Variants in HACE1 observed in about 807,000 individuals in gnomAD.
The protein encoded by HACE1 is E3 ubiquitin-protein ligase HACE1.
Under a neutral mutation model 118.4 loss-of-function variants are expected in HACE1, and 73 were observed. The observed-to-expected ratio is 0.62, with a 90% CI of 0.51 to 0.75. HACE1 has a LOEUF of 0.75. Ranked by LOEUF, HACE1 falls within the 30% of genes least tolerant of loss-of-function variation. HACE1 has a pLI of 0.00. For synonymous variants in HACE1, 368 were observed against 374.8 expected (o/e 0.98, Z 0.21); for missense variants, 749 against 1,102.2 (o/e 0.68, Z 4.54).
intron 7 of HACE1, among the ~76,000 whole-genome samples, chr6:104,806,261 A>C (rs1351852188): frequency 6.6e-6 from 1 of 152,154 alleles, no homozygotes; most frequent in East Asian, 1.9e-4. Context: ...CAGGCGTTGA[A>C]GACCCGCTTG....
intron 7 of HACE1, among the ~76,000 whole-genome samples, chr6:104,800,755 G>A (rs1435742897): frequency 1.3e-5 from 2 of 152,196 alleles, no homozygotes; most frequent in African/African-American, 2.4e-5. Flanking sequence ...CACAAAGATG[G>A]AGAGAAACCA....
At chr6:104,759,292 A>G (rs914169548) in intron 19 of HACE1, among the ~76,000 whole-genome samples, 2 of 152,162 alleles carry the variant, frequency 1.3e-5, no homozygotes, top group African/African-American at 4.8e-5. Flanking sequence ...TGACCATATA[A>G]TTGGAAGTAA....
At chr6:104,731,649 A>T (rs1775213437) in intron 22 of HACE1, 2 of 152,078 alleles carry the variant, frequency 1.3e-5, no homozygotes, top group Non-Finnish European at 2.9e-5. Context: ...GTGTTGGGAA[A>T]ACCGGATATT....
At chr6:104,788,315 A>C (rs1289877960) in intron 11 of HACE1, among the ~76,000 whole-genome samples, 1 of 152,130 alleles carries the variant, frequency 6.6e-6, no homozygotes, top group African/African-American at 2.4e-5. Context: ...ATTATTATTG[A>C]GTGATCCTTA....
rs534039566 is a variant in HACE1, at chr6:104,750,647, A to G, written c.2212-175T>C. 2.6e-5 allele frequency among the ~76,000 whole-genome samples: 4 copies of G among 152,310 alleles called. No homozygotes were observed. In the East Asian group the frequency reaches 5.8e-4, roughly 22 times the overall value. On this transcript the variant is annotated intron_variant, in intron 19 of 23. Coordinates refer to ENST00000262903, the MANE Select transcript of HACE1 (RefSeq NM_020771.4). Reference sequence around the variant, plus strand: ...ACTAAGCTGTTGAGGAAAAAATTCCAGGGACTCAATCATCCATGACTTCTC... The same window carrying G: ...ACTAAGCTGTTGAGGAAAAAATTCCGGGGACTCAATCATCCATGACTTCTC...
intron 6 of HACE1, among the ~76,000 whole-genome samples, chr6:104,825,582 C>G (rs1176152645): frequency 6.6e-6 from 1 of 152,176 alleles, no homozygotes; most frequent in Admixed American, 6.5e-5. Context: ...CACAACCAAT[C>G]AGATGTTTGC....
chr6:104,748,284 T>C (rs4946642), intron 20 of HACE1, among the ~76,000 whole-genome samples: 8,345 of 152,044 alleles, frequency 0.055, 268 homozygotes, highest in East Asian at 0.13. Flanking sequence ...GCAAATTACT[T>C]AAATAGACAC....
chr6:104,855,868 G>A (rs35794278), intron 1 of HACE1, among the ~76,000 whole-genome samples: 23,007 of 152,128 alleles, frequency 0.15, 1,777 homozygotes, highest in Middle Eastern at 0.23. Context: ...TTAAGTGAGC[G>A]TTAGTGAGCA....
intron 6 of HACE1, among the ~76,000 whole-genome samples, chr6:104,825,739 T>A (rs1038819346): frequency 6.6e-6 from 1 of 152,244 alleles, no homozygotes; most frequent in Non-Finnish European, 1.5e-5. Context: ...CTTGAGCAGC[T>A]GCTGGGGCCA....
At chr6:104,747,153 T>C (rs1777519639) in intron 20 of HACE1, among the ~76,000 whole-genome samples, 1 of 152,212 alleles carries the variant, frequency 6.6e-6, no homozygotes, top group Non-Finnish European at 1.5e-5. Flanking sequence ...ACAAAATAAT[T>C]GAATTCATCT....
At chr6:104,821,295 AC>A (rs1173210756) in intron 6 of HACE1, among the ~76,000 whole-genome samples, 4 of 152,158 alleles carry the variant, frequency 2.6e-5, no homozygotes, top group Non-Finnish European at 5.9e-5. Context: ...ACACAAGTTT[AC>A]CTATGTATCA....
chr6:104,739,812 C>T (rs367990585), intron 22 of HACE1, among the ~76,000 whole-genome samples: 8 of 151,514 alleles, frequency 5.3e-5, no homozygotes, highest in Admixed American at 1.3e-4. Flanking sequence ...CTGCACCAAG[C>T]GGACCTAATA....
chr6:104,836,201 G>T (rs1412871320), intron 5 of HACE1, among the ~76,000 whole-genome samples: 1 of 152,092 alleles, frequency 6.6e-6, no homozygotes, highest in Non-Finnish European at 1.5e-5. Context: ...GCAGACCTAG[G>T]TATCAACCAA....
intron 6 of HACE1, among the ~76,000 whole-genome samples, chr6:104,818,681 A>G (rs994101249): frequency 1.3e-5 from 2 of 152,150 alleles, no homozygotes; most frequent in Admixed American, 6.5e-5. Context: ...AAGCTCATAC[A>G]CCATAATCAA....
chr6:104,812,776 T>C (rs922342987), intron 6 of HACE1, among the ~76,000 whole-genome samples: 8 of 152,120 alleles, frequency 5.3e-5, no homozygotes, highest in African/African-American at 1.4e-4. Flanking sequence ...AATAGAGGAA[T>C]TGGAAGTACC....
intron 10 of HACE1, among the ~76,000 whole-genome samples, chr6:104,793,241 T>C (rs1783249472): frequency 7.4e-6 from 1 of 134,260 alleles, no homozygotes; most frequent in Non-Finnish European, 1.5e-5. Flanking sequence ...CACTCCAGCC[T>C]GGGCGATAGA....
At chr6:104,742,273 A>G (rs1353282872) in intron 22 of HACE1, among the ~76,000 whole-genome samples, 1 of 138,522 alleles carries the variant, frequency 7.2e-6, no homozygotes, top group Non-Finnish European at 1.5e-5. Context: ...TGTCTAAAAC[A>G]CCAAAAGCAA....
At chr6:104,849,393 G>A in intron 3 of HACE1, 147 bp from the exon 4 acceptor site, 1 of 681,856 alleles carries the variant, frequency 1.5e-6, no homozygotes, top group Non-Finnish European at 2.7e-6. Context: ...CTGGAGTGCA[G>A]TGGCACCATC....
chr6:104,804,408 A>G (rs1251406252), intron 7 of HACE1, among the ~76,000 whole-genome samples: 2 of 152,188 alleles, frequency 1.3e-5, no homozygotes, highest in Admixed American at 1.3e-4. Flanking sequence ...CATTGCCAAG[A>G]CAATCCTAAG....
Sources: allele counts gnomAD v4.1 joint callset (sites outside exome capture counted in the v4.1 genomes callset), GRCh38; gene constraint gnomAD v4.1.1; transcripts MANE v1.5; gene names NCBI Gene and HGNC (gene_info 2026-07-23, HGNC 2026-07-21).